DLGAP2: variants seen among roughly 807,000 people sequenced by gnomAD.
DLGAP2 encodes the protein DLG associated protein 2.
A neutral mutation model predicts 100.3 loss-of-function variants in DLGAP2; 26 were observed. That is an observed-to-expected ratio of 0.26 (90% confidence interval 0.19 to 0.36). DLGAP2 has a LOEUF of 0.36. Ranked by LOEUF, DLGAP2 falls within the 10% of genes least tolerant of loss-of-function variation. The probability of loss-of-function intolerance (pLI) is 1.00; values close to 1 mark genes in which losing one functional copy is unlikely to be tolerated. For missense variants in DLGAP2, 1,858 were observed against 1,453.2 expected (o/e 1.28, Z -4.53); for synonymous variants, 886 against 630.1 (o/e 1.41, Z -6.08).
At chr8:1,622,472 T>A (rs1797370645) in intron 6 of DLGAP2, 6 of 152,202 alleles carry the variant, frequency 3.9e-5, no homozygotes, top group Admixed American at 3.9e-4. Context: ...GTATATTCGT[T>A]CTCATAATGA....
At chr8:1,153,135 A>G (rs1035821193) in intron 2 of DLGAP2, among the ~76,000 whole-genome samples, 1 of 152,068 alleles carries the variant, frequency 6.6e-6, no homozygotes, top group Non-Finnish European at 1.5e-5. Context: ...GTGCATTTCC[A>G]CTTTTCTTCC....
intron 6 of DLGAP2, among the ~76,000 whole-genome samples, chr8:1,601,452 G>A (rs944264679): frequency 2.0e-5 from 3 of 152,212 alleles, no homozygotes; most frequent in African/African-American, 7.2e-5. Context: ...AAACGTTTAC[G>A]TCTGCTGAAG....
chr8:873,751 T>C (rs554030846), intron 1 of DLGAP2, among the ~76,000 whole-genome samples: 1 of 152,330 alleles, frequency 6.6e-6, no homozygotes, highest in South Asian at 2.1e-4. Context: ...AGCATTGTTA[T>C]TAATTGTTCT....
intron 3 of DLGAP2, among the ~76,000 whole-genome samples, chr8:1,485,360 G>A (rs182174538): frequency 1.3e-5 from 2 of 152,262 alleles, no homozygotes; most frequent in Admixed American, 1.3e-4. Context: ...TGATTCAAAT[G>A]CAGAAAATGT....
chr8:1,095,853 G>A (rs1035939236), intron 2 of DLGAP2, among the ~76,000 whole-genome samples: 1 of 152,178 alleles, frequency 6.6e-6, no homozygotes. Flanking sequence ...TTTTCAGTGT[G>A]GGCCAAGCTT....
At chr8:1,467,613 G>C (rs555447357) in intron 3 of DLGAP2, among the ~76,000 whole-genome samples, 5 of 152,176 alleles carry the variant, frequency 3.3e-5, no homozygotes, top group Non-Finnish European at 7.4e-5. Context: ...GAGTGTTCGT[G>C]TCAAGTGGAC....
chr8:907,813 T>C lies in DLGAP2; in HGVS notation c.19-99T>C, dbSNP rs116797054. 720 of 396,592 alleles carry C rather than the reference T, an allele frequency of 1.8e-3. 8 individuals are homozygous for C. Among genetic ancestry groups the C allele is most frequent in the African/African-American group, 0.014 (670 of 48,730 alleles). The allele number at this position is 396,592 out of a possible 1,614,324, so 24.6% of individuals were successfully genotyped here. ...TGGGCACGCTGACTTTGTGCAACAT[T>C]GAACTACCTTATTAGAAGAAACACT... On this transcript the variant is annotated intron_variant, in intron 1 of 14. Transcript: ENST00000637795.
chr8:1,196,610 C>T (rs1280406876), intron 2 of DLGAP2, among the ~76,000 whole-genome samples: 3 of 152,194 alleles, frequency 2.0e-5, no homozygotes, highest in Admixed American at 1.3e-4. Context: ...TGTGCAGAGG[C>T]ATCTGCAGGT....
intron 3 of DLGAP2, among the ~76,000 whole-genome samples, chr8:1,344,650 C>T (rs919751887): frequency 2.6e-5 from 4 of 152,170 alleles, no homozygotes; most frequent in African/African-American, 4.8e-5. Flanking sequence ...TACATCCTAA[C>T]GCTGGGCTCC....
chr8:1,110,029 G>T (rs1804897149), intron 2 of DLGAP2, among the ~76,000 whole-genome samples: 2 of 139,702 alleles, frequency 1.4e-5, no homozygotes, highest in African/African-American at 2.8e-5. Context: ...TGTGAGGTGT[G>T]CACGTGCCTA....
At chr8:1,200,731 T>C (rs1002326029) in intron 2 of DLGAP2, among the ~76,000 whole-genome samples, 1 of 151,572 alleles carries the variant, frequency 6.6e-6, no homozygotes, top group African/African-American at 2.4e-5. Context: ...GAAATCAGCC[T>C]GGATTCGGAC....
intron 3 of DLGAP2, among the ~76,000 whole-genome samples, chr8:1,358,736 CAG>C (rs146633574): frequency 0.05 from 7,627 of 152,134 alleles, 268 homozygotes; most frequent in Middle Eastern, 0.15. Context: ...GCTGCGCAGA[CAG>C]GGGCAACCCT....
intron 2 of DLGAP2, among the ~76,000 whole-genome samples, chr8:1,173,370 G>A (rs1334612678): frequency 6.6e-6 from 1 of 152,314 alleles, no homozygotes; most frequent in South Asian, 2.1e-4. Context: ...CCCGTTCTCA[G>A]ATCTCCAGCT....
chr8:1,567,176 G>C (rs1285503037), intron 6 of DLGAP2, among the ~76,000 whole-genome samples: 1 of 152,252 alleles, frequency 6.6e-6, no homozygotes, highest in Non-Finnish European at 1.5e-5. Flanking sequence ...GCTGGGAGCA[G>C]AGCCAAGTTG....
At chr8:1,143,957 G>A (rs1796563611) in intron 2 of DLGAP2, among the ~76,000 whole-genome samples, 1 of 152,202 alleles carries the variant, frequency 6.6e-6, no homozygotes, top group Non-Finnish European at 1.5e-5. Flanking sequence ...AACAGATAAG[G>A]GAAGGCAAGA....
Position 1,705,165 on chromosome 8 carries a change from G to C in DLGAP2, c.*3759G>C, listed in dbSNP as rs1242775215. The C allele has an allele frequency of 2.0e-5, 3 of 152,244 alleles. No homozygotes were observed. Among genetic ancestry groups the C allele is most frequent in the African/African-American group, 7.2e-5 (3 of 41,450 alleles). The allele number at this position is 152,244 out of a possible 1,614,324, so 9.4% of individuals were successfully genotyped here. On this transcript the variant is annotated 3_prime_UTR_variant, in exon 15 of 15. Coordinates refer to ENST00000637795, the MANE Select transcript of DLGAP2 (RefSeq NM_001346810.2). ...TCTGTTAGGGACAGTTGTCTGGTTTGTGCCAAACCTTCGAGGGGCGAGTAG... is the reference window on the plus strand; with the variant it reads ...TCTGTTAGGGACAGTTGTCTGGTTTCTGCCAAACCTTCGAGGGGCGAGTAG...
At chr8:748,733 G>C (rs1034626505) in intron 1 of DLGAP2, among the ~76,000 whole-genome samples, 6 of 152,320 alleles carry the variant, frequency 3.9e-5, no homozygotes, top group African/African-American at 1.4e-4. Flanking sequence ...GCACCTGCCC[G>C]CTCCTTAGAG....
chr8:890,908 G>A (rs1054723686), intron 1 of DLGAP2, among the ~76,000 whole-genome samples: 1 of 152,112 alleles, frequency 6.6e-6, no homozygotes, highest in South Asian at 2.1e-4. Context: ...GGAGATCCTC[G>A]CTGTGTGACC....
At chr8:1,337,209 T>C (rs1458513935) in intron 3 of DLGAP2, among the ~76,000 whole-genome samples, 1 of 133,844 alleles carries the variant, frequency 7.5e-6, no homozygotes, top group East Asian at 2.1e-4. Flanking sequence ...GTGATGATGG[T>C]GATGATGATG....
Sources: gnomAD v4.1 joint callset for allele counts (sites outside exome capture counted in the v4.1 genomes callset) on GRCh38, gnomAD v4.1.1 for gene constraint, MANE v1.5 for transcripts, NCBI Gene and HGNC (gene_info 2026-07-23, HGNC 2026-07-21) for gene names.